The following CCDC102B variants were observed in gnomAD, a reference collection of about 807,000 sequenced individuals.
CCDC102B encodes coiled-coil domain-containing protein 102B.
CCDC102B carries 75 observed loss-of-function variants against 57.4 expected under a neutral mutation model. The ratio of observed to expected loss-of-function variants is 1.31; its 90% CI spans 1.08 to 1.58. The LOEUF (loss-of-function observed/expected upper bound fraction) is 1.58. Ranked by LOEUF, CCDC102B falls within the 40% of genes most tolerant of loss-of-function variation. The pLI, the probability that CCDC102B is intolerant of heterozygous loss-of-function variation, is 0.00. For synonymous variants in CCDC102B, 206 were observed against 201.9 expected (o/e 1.02, Z -0.17); for missense variants, 636 against 582.6 (o/e 1.09, Z -0.94).
intron 5 of CCDC102B, among the ~76,000 whole-genome samples, chr18:68,876,743 G>GTT (rs2039464669): frequency 6.6e-6 from 1 of 152,104 alleles, no homozygotes; most frequent in South Asian, 2.1e-4. Context: ...AACATTCTGG[G>GTT]TTTATATTGA....
rs1328694185 is a variant in CCDC102B, at chr18:68,945,077, T to C, written c.1263+47649T>C. 2.2e-4 allele frequency among the ~76,000 whole-genome samples: 31 copies of C among 143,826 alleles called. 1 individual carries two copies. Among genetic ancestry groups the C allele is most frequent in the African/African-American group, 7.7e-4 (29 of 37,702 alleles). 94.4% of individuals were successfully genotyped at this position (143,826 alleles called of 152,430 possible). On this transcript the variant is annotated intron_variant, in intron 6 of 7. Transcript: ENST00000360242. Reference sequence around the variant, plus strand: ...GTGTGTCTCTGTCTGTGTGTGTGTGTGTCTCTCTCTCTGCCTCTCTCTCTC... The same window carrying C: ...GTGTGTCTCTGTCTGTGTGTGTGTGCGTCTCTCTCTCTGCCTCTCTCTCTC...
At chr18:68,960,627 A>G (rs1399302676) in intron 6 of CCDC102B, among the ~76,000 whole-genome samples, 4 of 152,154 alleles carry the variant, frequency 2.6e-5, no homozygotes, top group Non-Finnish European at 5.9e-5. Flanking sequence ...TTTCAAGTTT[A>G]TTTCAAACCT....
intron 5 of CCDC102B, among the ~76,000 whole-genome samples, chr18:68,886,656 G>T (rs1017284300): frequency 6.6e-6 from 1 of 152,036 alleles, no homozygotes; most frequent in Admixed American, 6.6e-5. Context: ...TTCTAGAAAA[G>T]ATTTCATTAA....
At chr18:68,738,418 G>T (rs948761698) in intron 2 of CCDC102B, among the ~76,000 whole-genome samples, 1 of 152,178 alleles carries the variant, frequency 6.6e-6, no homozygotes, top group Non-Finnish European at 1.5e-5. Flanking sequence ...TCCCATCCAA[G>T]ATTACATATT....
At chr18:69,032,903 A>C (rs1282077270) in intron 7 of CCDC102B, among the ~76,000 whole-genome samples, 1 of 152,158 alleles carries the variant, frequency 6.6e-6, no homozygotes, top group East Asian at 1.9e-4. Flanking sequence ...AAGAAAAAAA[A>C]ACTCTGAGCT....
chr18:68,796,408 A>G (rs1401867561), upstream of CCDC102B, among the ~76,000 whole-genome samples: 1 of 152,180 alleles, frequency 6.6e-6, no homozygotes, highest in Non-Finnish European at 1.5e-5. Flanking sequence ...TTCAGTTTAG[A>G]TAAGCTGATG....
At chr18:68,886,454 A>T (rs1262065483) in intron 5 of CCDC102B, among the ~76,000 whole-genome samples, 2 of 152,020 alleles carry the variant, frequency 1.3e-5, no homozygotes, top group African/African-American at 2.4e-5. Flanking sequence ...CAAAAAAGTG[A>T]TCTTGAACCC....
At chr18:68,876,881 A>G (rs1187314549) in intron 5 of CCDC102B, among the ~76,000 whole-genome samples, 1 of 152,212 alleles carries the variant, frequency 6.6e-6, no homozygotes, top group Non-Finnish European at 1.5e-5. Flanking sequence ...TTAGATAAAT[A>G]CAAGTTTAAA....
chr18:69,011,452 A>G (rs748993504), intron 7 of CCDC102B, among the ~76,000 whole-genome samples: 10 of 152,058 alleles, frequency 6.6e-5, no homozygotes, highest in Non-Finnish European at 1.2e-4. Flanking sequence ...AAGCATCTAT[A>G]TCAAAAAGTG....
At chr18:68,746,846 C>G (rs1472236906) in intron 2 of CCDC102B, among the ~76,000 whole-genome samples, 1 of 151,834 alleles carries the variant, frequency 6.6e-6, no homozygotes, top group Non-Finnish European at 1.5e-5. Context: ...CCATAAATAT[C>G]ATTACCACGA....
At chr18:68,723,214 T>C (rs1482288387) in intron 2 of CCDC102B, among the ~76,000 whole-genome samples, 8 of 152,210 alleles carry the variant, frequency 5.3e-5, no homozygotes, top group South Asian at 2.1e-4. Context: ...GCCCCCATGA[T>C]TAAACTATCT....
At chr18:69,000,082 T>C (rs1440780254) in intron 6 of CCDC102B, among the ~76,000 whole-genome samples, 4 of 152,176 alleles carry the variant, frequency 2.6e-5, no homozygotes, top group Non-Finnish European at 2.9e-5. Context: ...TATGTTTCTT[T>C]CTAAGTCCCT....
At chr18:68,994,520 C>T (rs567488194) in intron 6 of CCDC102B, among the ~76,000 whole-genome samples, 15 of 152,156 alleles carry the variant, frequency 9.9e-5, no homozygotes, top group African/African-American at 3.6e-4. Flanking sequence ...TCCTGCCACC[C>T]CCTCCTCCCC....
chr18:68,825,987 T>G (rs2144752311), intron 1 of CCDC102B, among the ~76,000 whole-genome samples: 1 of 152,330 alleles, frequency 6.6e-6, no homozygotes, highest in East Asian at 1.9e-4. Flanking sequence ...CTTCAGAGGG[T>G]TAATATATAC....
chr18:68,901,277 A>G (rs76282441), intron 6 of CCDC102B, among the ~76,000 whole-genome samples: 1 of 152,164 alleles, frequency 6.6e-6, no homozygotes, highest in African/African-American at 2.4e-5. Flanking sequence ...AAAGATCAAG[A>G]TGGTAAATAT....
intron 2 of CCDC102B, among the ~76,000 whole-genome samples, chr18:68,773,076 C>G (rs1464516082): frequency 1.3e-5 from 2 of 151,856 alleles, no homozygotes; most frequent in Non-Finnish European, 2.9e-5. Context: ...AGGATTCAAT[C>G]AATACCACCA....
Position 68,897,384 on chromosome 18 carries a change from C to A in CCDC102B, c.1219C>A (p.Pro407Thr). The A allele has an allele frequency of 6.2e-7, 1 of 1,612,252 alleles. No homozygotes were observed. The highest frequency in any genetic ancestry group is 2.2e-5 in the East Asian group (1 of 44,864). Residue 407 changes from proline (P) to threonine (T), a missense_variant, in exon 6 of 8, where the codon CCT becomes ACT. Transcript: ENST00000360242. ...KNRLSANSQS[P>T]DFKMSQIDLQ... is the part of the protein sequence containing the mutation. ...TAGATTAAGTGCAAACTCTCAAAGTCCTGATTTCAAGATGTCACAAATTGA... is the reference window on the plus strand; with the variant it reads ...TAGATTAAGTGCAAACTCTCAAAGTACTGATTTCAAGATGTCACAAATTGA...
intron 4 of CCDC102B, among the ~76,000 whole-genome samples, chr18:68,854,097 T>C (rs1289368537): frequency 1.4e-4 from 3 of 20,710 alleles, no homozygotes; most frequent in East Asian, 3.2e-3. Context: ...TCTTGTTTTT[T>C]TTTTTTTTCT....
chr18:68,779,053 C>A (rs1019237806), intron 2 of CCDC102B, among the ~76,000 whole-genome samples: 2 of 152,098 alleles, frequency 1.3e-5, no homozygotes, highest in African/African-American at 4.8e-5. Context: ...TAACGACACA[C>A]ACTATCCAGA....
Sources: allele counts gnomAD v4.1 joint callset (sites outside exome capture counted in the v4.1 genomes callset), GRCh38; gene constraint gnomAD v4.1.1; transcripts MANE v1.5; gene names NCBI Gene and HGNC (gene_info 2026-07-23, HGNC 2026-07-21).